Variants in FLT3 observed in about 807,000 individuals in gnomAD.
FLT3 encodes receptor-type tyrosine-protein kinase FLT3.
A neutral mutation model predicts 126.6 loss-of-function variants in FLT3; 46 were observed. The observed-to-expected ratio is 0.36, with a 90% CI of 0.29 to 0.46. The LOEUF is 0.46. Among genes scored for constraint, FLT3 ranks in the 20% least tolerant of loss-of-function variants. The pLI is 1.00. For synonymous variants in FLT3, 404 were observed against 434.4 expected (o/e 0.93, Z 0.87); for missense variants, 1,069 against 1,190.3 (o/e 0.90, Z 1.50).
At position 28,025,078 on chromosome 13, in the gene FLT3, G is replaced by A. The variant is rs1169436042; in HGVS notation, c.2208-135C>T. 6.3e-6 allele frequency: 4 copies of A among 635,776 alleles called. No homozygotes were observed. The Admixed American group carries it at 1.2e-4, about 19-fold the overall frequency. 39.4% of individuals were successfully genotyped at this position (635,776 alleles called of 1,614,324 possible). A position where few individuals can be genotyped will look rare whatever the true frequency, so the allele number is the denominator to read the frequency against. ...TAAATTAAAAGCACACCATCCATTT[G>A]TCCATTTTTTGTGTACATTAAAAAC... On this transcript the variant is annotated intron_variant, in intron 17 of 23. Transcript: ENST00000241453.
At position 28,025,509 on chromosome 13, in the gene FLT3, C is replaced by T. The variant is rs140810662; in HGVS notation, c.2208-566G>A. On this transcript the variant is annotated intron_variant, in intron 17 of 23. Coordinates refer to ENST00000241453, the MANE Select transcript of FLT3 (RefSeq NM_004119.3). ...CTCTGTAGGAATTATAAGTAGATCA[C>T]GATTCAATTTATTCTAATATACGAG... is the stretch of plus-strand genomic sequence containing the variant. The T allele has an allele frequency of 1.6e-3, 484 of 309,210 alleles. 4 individuals carry two copies. Among genetic ancestry groups the T allele is most frequent in the African/African-American group, 9.6e-3 (421 of 44,040 alleles). The allele number at this position is 309,210 out of a possible 1,614,324, so 19.2% of individuals were successfully genotyped here.
chr13:28,028,970 T>C (rs1289306548), intron 15 of FLT3, among the ~76,000 whole-genome samples: 3 of 151,832 alleles, frequency 2.0e-5, no homozygotes, highest in Non-Finnish European at 4.4e-5. Flanking sequence ...TTTGTAGAGA[T>C]GGGGTCTCAC....
intron 4 of FLT3, among the ~76,000 whole-genome samples, chr13:28,056,938 G>A (rs773146822): frequency 2.6e-5 from 4 of 152,164 alleles, no homozygotes; most frequent in African/African-American, 9.7e-5. Flanking sequence ...TGTGAGGTAC[G>A]TATTTTTATC....
intron 21 of FLT3, 78 bp from the exon 22 acceptor site, chr13:28,015,334 T>G (rs1453825322): frequency 4.0e-6 from 4 of 992,632 alleles, no homozygotes; most frequent in Non-Finnish European, 6.3e-6. Flanking sequence ...TAAACACGTA[T>G]TGAGATCTGC....
At chr13:28,062,173 C>T (rs1876631058) in intron 2 of FLT3, 104 bp from the exon 3 acceptor site, 1 of 787,174 alleles carries the variant, frequency 1.3e-6, no homozygotes, top group Non-Finnish European at 2.1e-6. Context: ...TGACACACTG[C>T]ACGCAACACC....
chr13:28,041,892 C>A (rs796946461), intron 9 of FLT3, among the ~76,000 whole-genome samples: 26 of 152,248 alleles, frequency 1.7e-4, no homozygotes, highest in African/African-American at 5.5e-4. Flanking sequence ...ATGGCTCACG[C>A]CTGCAATCCC....
At position 28,049,542 on chromosome 13, in the gene FLT3, GT is replaced by G; in HGVS notation, c.883-6del. 1 of 1,612,960 alleles carries G rather than the reference GT, an allele frequency of 6.2e-7. No individual in the cohort carries two copies. The highest frequency in any genetic ancestry group is 8.5e-7 in the Non-Finnish European group (1 of 1,179,254). ...ACTCATCTCAAAGTAGTTGCCCTAG[GT>G]TTTAATAAAACAGAGTTTGCATTTA... On this transcript the variant is annotated splice_region_variant and splice_polypyrimidine_tract_variant and intron_variant, in intron 7 of 23. Transcript: ENST00000241453.
At chr13:28,030,602 C>G (rs2491220) in intron 15 of FLT3, among the ~76,000 whole-genome samples, 117,949 of 151,924 alleles carry the variant, frequency 0.78, 46,006 homozygotes, top group East Asian at 0.88. Flanking sequence ...GTCCCCGCGC[C>G]TCTAATCCCA....
intron 4 of FLT3, among the ~76,000 whole-genome samples, chr13:28,053,210 C>A (rs1875700697): frequency 6.6e-6 from 1 of 151,530 alleles, no homozygotes; most frequent in Admixed American, 6.6e-5. Flanking sequence ...TCCTTCACTC[C>A]CAGCTATTTC....
chr13:28,033,920 C>T lies in FLT3; in HGVS notation c.1909G>A (p.Val637Ile). ...ATTTTGACGGCAACCTGGATTGAGA[C>T]TCCTGTTTTGCTAATTCCATAAGCT... ...ATAYGISKTG[V>I]SIQVAVKMLK... Residue 637 changes from valine (V) to isoleucine (I), a missense_variant, in exon 15 of 24, where the codon GTC becomes ATC. Coordinates refer to ENST00000241453, the MANE Select transcript of FLT3 (RefSeq NM_004119.3). The T allele has an allele frequency of 6.2e-7, 1 of 1,614,160 alleles. No homozygotes were observed. Among genetic ancestry groups the T allele is most frequent in the Non-Finnish European group, 8.5e-7 (1 of 1,180,012 alleles).
chr13:28,090,194 C>T (rs1213078113), intron 1 of FLT3, among the ~76,000 whole-genome samples: 3 of 151,514 alleles, frequency 2.0e-5, no homozygotes, highest in Non-Finnish European at 1.5e-5. Flanking sequence ...GCGTGCATCA[C>T]CATGCCCAAT....
At position 28,015,532 on chromosome 13, in the gene FLT3, G is replaced by A. The variant is rs540331628; in HGVS notation, c.2653+58C>T. 5.9e-5 allele frequency: 56 copies of A among 944,504 alleles called. 1 individual carries two copies. The highest frequency in any genetic ancestry group is 5.4e-4 in the Middle Eastern group (2 of 3,674). The allele number at this position is 944,504 out of a possible 1,614,324, so 58.5% of individuals were successfully genotyped here. A position where few individuals can be genotyped will look rare whatever the true frequency, so the allele number is the denominator to read the frequency against. The stretch of plus-strand genomic sequence containing the variant: ...TTGGGGGGAGGGGTGGGGCGGCACC[G>A]AGAGAGCAGAGGATGCAAAGCCAGG... On this transcript the variant is annotated intron_variant, in intron 21 of 23. Transcript: ENST00000241453.
At chr13:28,073,350 T>C (rs761045044) in intron 1 of FLT3, 22 of 255,080 alleles carry the variant, frequency 8.6e-5, no homozygotes, top group Non-Finnish European at 1.6e-4. Context: ...ACCTCATCTC[T>C]GGAAAAAAAA....
rs573741842 is a variant in FLT3 at position 28,035,991 on chromosome 13, C to T, written c.1362G>A (p.Ser454=). 9.4e-5 allele frequency: 152 copies of T among 1,613,982 alleles called. 2 individuals are homozygous for T. In the South Asian group the frequency reaches 1.4e-3, roughly 15 times the overall value. Reference sequence around the variant, plus strand: ...TCCAAGATGGTAATGGGTATCCATCCGAGAAACAGGACGCCTGACTTGCCG... The same window carrying T: ...TCCAAGATGGTAATGGGTATCCATCTGAGAAACAGGACGCCTGACTTGCCG... ...EASASQASCF[S]DGYPLPSWTW... is the part of the protein sequence containing the mutation. The change falls in exon 11 of 24, where the codon TCG becomes TCA. Residue 454 remains serine (S), a synonymous_variant. Coordinates refer to ENST00000241453, the MANE Select transcript of FLT3 (RefSeq NM_004119.3).
intron 23 of FLT3, 126 bp downstream of exon 23, chr13:28,014,326 G>A (rs1871644493): frequency 1.5e-6 from 1 of 666,164 alleles, no homozygotes; most frequent in Non-Finnish European, 2.6e-6. Flanking sequence ...ACTTTGAAAG[G>A]GCAACCCAGA....
intron 19 of FLT3, among the ~76,000 whole-genome samples, chr13:28,022,309 C>G (rs1342547631): frequency 6.6e-6 from 1 of 152,076 alleles, no homozygotes; most frequent in African/African-American, 2.4e-5. Context: ...CTCAGGATTT[C>G]AAGACCAGCC....
chr13:28,009,151 T>C (rs1241108825), intron 23 of FLT3, among the ~76,000 whole-genome samples: 2 of 150,944 alleles, frequency 1.3e-5, no homozygotes, highest in Non-Finnish European at 2.9e-5. Flanking sequence ...TAATTTTGTG[T>C]TTTCTATTTC....
chr13:28,034,295 T>C lies in FLT3; in HGVS notation c.1704+6A>G, dbSNP rs760501675. The C allele has an allele frequency of 6.2e-7, 1 of 1,613,306 alleles. No homozygotes were observed. The highest frequency in any genetic ancestry group is 8.5e-7 in the Non-Finnish European group (1 of 1,179,250). The stretch of plus-strand genomic sequence containing the variant: ...AAGAATAATGAATTTTTACCTTTGC[T>C]TTTACCTTTTTGTACTTGTGACAAA... On this transcript the variant is annotated splice_donor_region_variant and intron_variant, in intron 13 of 23. Transcript: ENST00000241453.
chr13:28,092,425 G>C (rs545129988), intron 1 of FLT3, among the ~76,000 whole-genome samples: 20 of 152,056 alleles, frequency 1.3e-4, no homozygotes, highest in Non-Finnish European at 2.4e-4. Flanking sequence ...GGAGTGCAGT[G>C]GCAGGATCAT....
Sources: gnomAD v4.1 joint callset for allele counts (sites outside exome capture counted in the v4.1 genomes callset) on GRCh38, gnomAD v4.1.1 for gene constraint, MANE v1.5 for transcripts, NCBI Gene and HGNC (gene_info 2026-07-23, HGNC 2026-07-21) for gene names.